The following PHB1 variants were observed in gnomAD, a reference collection of about 807,000 sequenced individuals.
The protein encoded by PHB1 is prohibitin 1.
At chr17:49,411,529 G>A in the PHB1 span, 1 of 666,084 alleles carries the variant, frequency 1.5e-6, no homozygotes, top group South Asian at 2.0e-5. Context: ...TCCATATCAA[G>A]CTCTCCAGGG....
chr17:49,409,552 T>TG, the PHB1 span: 6 of 939,434 alleles, frequency 6.4e-6, no homozygotes, highest in South Asian at 2.1e-5. Flanking sequence ...TGTTTTTTTT[T>TG]TTTTTTGAGA....
chr17:49,413,998 AAAT>A, the PHB1 span, among the ~76,000 whole-genome samples: 37 of 152,336 alleles, frequency 2.4e-4, 1 homozygote, highest in African/African-American at 8.2e-4. Flanking sequence ...GGTTTGAAAA[AAAT>A]AACTTAAAAA....
the PHB1 span, among the ~76,000 whole-genome samples, chr17:49,410,889 G>A: frequency 6.6e-6 from 1 of 152,234 alleles, no homozygotes; most frequent in Non-Finnish European, 1.5e-5. Flanking sequence ...CCTATGTTCT[G>A]CTTCTCATTA....
chr17:49,406,886 A>C, the PHB1 span: 5 of 1,492,842 alleles, frequency 3.3e-6, no homozygotes, highest in African/African-American at 6.9e-5. Flanking sequence ...AAGATGAGGC[A>C]GTGTGATTGC....
the PHB1 span, among the ~76,000 whole-genome samples, chr17:49,405,524 C>T: frequency 6.6e-6 from 1 of 152,134 alleles, no homozygotes; most frequent in Admixed American, 6.6e-5. Flanking sequence ...CCAGGAGAAG[C>T]CAAGGCCAAG....
the PHB1 span, chr17:49,408,966 C>G: frequency 1.1e-6 from 1 of 871,708 alleles, no homozygotes; most frequent in South Asian, 1.6e-5. Flanking sequence ...CTAATAGCGT[C>G]TACCCAGAAA....
chr17:49,408,566 G>A, the PHB1 span, among the ~76,000 whole-genome samples: 12 of 152,142 alleles, frequency 7.9e-5, no homozygotes, highest in East Asian at 5.8e-4. Flanking sequence ...GAATCCAACC[G>A]TTCGTTTACA....
At chr17:49,404,991 C>T in the PHB1 span, 2 of 1,551,314 alleles carry the variant, frequency 1.3e-6, no homozygotes, top group African/African-American at 1.4e-5. Flanking sequence ...AGGGTGGGCC[C>T]TCACTGGGGC....
At chr17:49,413,209 G>C in the PHB1 span, 1 of 1,612,684 alleles carries the variant, frequency 6.2e-7, no homozygotes, top group Middle Eastern at 1.7e-4. Flanking sequence ...CACGCCTCCT[G>C]CAACAGCTAA....
the PHB1 span, chr17:49,413,038 G>A: frequency 6.7e-5 from 43 of 645,508 alleles, no homozygotes; most frequent in Non-Finnish European, 1.1e-4. Flanking sequence ...CCTGTGGTAT[G>A]AAATGGCAGG....
At chr17:49,412,377 TTGCA>T in the PHB1 span, 2 of 155,542 alleles carry the variant, frequency 1.3e-5, no homozygotes, top group South Asian at 2.0e-4. Context: ...TTCTGTCTAG[TTGCA>T]GATGTGGCCA....
chr17:49,412,818 C>T, the PHB1 span: 6 of 188,984 alleles, frequency 3.2e-5, no homozygotes, highest in Non-Finnish European at 6.7e-5. Context: ...ATTCCACATG[C>T]AAGCAGAGGA....
At chr17:49,411,767 G>C in the PHB1 span, 2 of 1,613,946 alleles carry the variant, frequency 1.2e-6, no homozygotes, top group Non-Finnish European at 1.7e-6. Flanking sequence ...GAGAAAATGA[G>C]TCCCTTCCCC....
the PHB1 span, among the ~76,000 whole-genome samples, chr17:49,408,528 T>A: frequency 6.6e-6 from 1 of 152,224 alleles, no homozygotes; most frequent in South Asian, 2.1e-4. Flanking sequence ...CTCAGAGATG[T>A]CCCTTGCCCC....
At chr17:49,407,039 G>A in the PHB1 span, 1 of 612,056 alleles carries the variant, frequency 1.6e-6, no homozygotes, top group African/African-American at 1.8e-5. Context: ...CAGACTCTCT[G>A]GCTGCCCAAA....
chr17:49,409,074 T>C, the PHB1 span: 1 of 1,610,908 alleles, frequency 6.2e-7, no homozygotes, highest in East Asian at 2.2e-5. Context: ...AGCCCAAAGG[T>C]GGCGGCTCGC....
chr17:49,410,424 A>G, the PHB1 span, among the ~76,000 whole-genome samples: 13 of 152,350 alleles, frequency 8.5e-5, no homozygotes, highest in African/African-American at 2.4e-4. Flanking sequence ...TAAAGAGTTT[A>G]TAATTTCTTA....
the PHB1 span, chr17:49,413,348 C>T: frequency 4.6e-5 from 42 of 919,664 alleles, no homozygotes; most frequent in Non-Finnish European, 7.0e-5. Flanking sequence ...CAGAGAAGGC[C>T]CTCTCTGACA....
the PHB1 span, chr17:49,408,774 T>C: frequency 2.7e-6 from 1 of 376,808 alleles, no homozygotes; most frequent in South Asian, 4.2e-5. Context: ...GGGTAACAGT[T>C]TGGAGAAGGT....
Sources: allele counts gnomAD v4.1 joint callset (sites outside exome capture counted in the v4.1 genomes callset), GRCh38; gene constraint gnomAD v4.1.1; transcripts MANE v1.5; gene names NCBI Gene and HGNC (gene_info 2026-07-23, HGNC 2026-07-21).